Variants in IGFL2 observed in about 807,000 individuals in gnomAD.
IGFL2 encodes the protein IGF like family member 2.
Under a neutral mutation model 13.9 loss-of-function variants are expected in IGFL2, and 7 were observed. The ratio of observed to expected loss-of-function variants is 0.51; its 90% confidence interval spans 0.29 to 0.95. The LOEUF (loss-of-function observed/expected upper bound fraction) is 0.95, where lower values mean the gene tolerates loss of function less well. Ranked by LOEUF, IGFL2 falls within the 40% of genes least tolerant of loss-of-function variation. The pLI is 0.08. For missense variants in IGFL2, 138 were observed against 147.8 expected (o/e 0.93, Z 0.34); for synonymous variants, 55 against 55.8 (o/e 0.99, Z 0.07).
At chr19:46,148,715 A>C in intron 1 of IGFL2, 1 of 637,192 alleles carries the variant, frequency 1.6e-6, no homozygotes, top group Non-Finnish European at 2.6e-6. Context: ...ATAGGTGAGA[A>C]TGGGTGTGGT....
At chr19:46,200,987 A>G in the IGFL2 span, 1 of 152,232 alleles carries the variant, frequency 6.6e-6, no homozygotes, top group Non-Finnish European at 1.5e-5. Flanking sequence ...AAAAAATAAT[A>G]TCTATGACAT....
the IGFL2 span, among the ~76,000 whole-genome samples, chr19:46,195,387 A>T: frequency 1.3e-5 from 2 of 152,126 alleles, no homozygotes; most frequent in Non-Finnish European, 2.9e-5. Context: ...CTTAGATCAG[A>T]TAACAGAAAA....
At chr19:46,182,336 C>T in the IGFL2 span, among the ~76,000 whole-genome samples, 2 of 145,666 alleles carry the variant, frequency 1.4e-5, no homozygotes, top group African/African-American at 5.2e-5. Context: ...CACTGCACTC[C>T]AGCCTGGGCA....
At chr19:46,185,251 C>T in the IGFL2 span, among the ~76,000 whole-genome samples, 17 of 152,194 alleles carry the variant, frequency 1.1e-4, no homozygotes, top group Non-Finnish European at 2.4e-4. Flanking sequence ...CCCTCCCTCT[C>T]AGTTCCTCTC....
the IGFL2 span, among the ~76,000 whole-genome samples, chr19:46,106,797 A>G: frequency 5.3e-5 from 8 of 152,142 alleles, no homozygotes; most frequent in African/African-American, 1.7e-4. Context: ...GGGATGGGAT[A>G]TTGGCGTTGA....
the IGFL2 span, among the ~76,000 whole-genome samples, chr19:46,108,159 G>A: frequency 4.6e-5 from 7 of 152,050 alleles, no homozygotes; most frequent in South Asian, 6.2e-4. Context: ...GGAGGGGAGA[G>A]GTCAGATGAG....
At chr19:46,206,846 G>C in the IGFL2 span, 1 of 152,146 alleles carries the variant, frequency 6.6e-6, no homozygotes, top group Non-Finnish European at 1.5e-5. Context: ...TGAGAAATGG[G>C]GTCGGGGGTG....
chr19:46,157,281 T>A (rs1973876619), intron 1 of IGFL2, among the ~76,000 whole-genome samples: 1 of 152,074 alleles, frequency 6.6e-6, no homozygotes, highest in Non-Finnish European at 1.5e-5. Flanking sequence ...AAAATCAGAG[T>A]TATTTTGCTA....
the IGFL2 span, among the ~76,000 whole-genome samples, chr19:46,084,103 G>A: frequency 6.6e-6 from 1 of 152,140 alleles, no homozygotes; most frequent in Non-Finnish European, 1.5e-5. Flanking sequence ...TACTGTTTCT[G>A]AAGTTCCTCC....
chr19:46,140,332 T>C (rs1972806234), upstream of IGFL2, among the ~76,000 whole-genome samples: 1 of 152,084 alleles, frequency 6.6e-6, no homozygotes. Flanking sequence ...AAATTGATCA[T>C]ATGTTAGGTC....
chr19:46,080,397 T>TA, the IGFL2 span, among the ~76,000 whole-genome samples: 2,053 of 150,896 alleles, frequency 0.014, 32 homozygotes, highest in Middle Eastern at 0.027. Flanking sequence ...TTTTTTAAAA[T>TA]AAAAAAAAGA....
chr19:46,149,278 T>C, intron 1 of IGFL2, among the ~76,000 whole-genome samples: 3 of 126,884 alleles, frequency 2.4e-5, no homozygotes, highest in African/African-American at 6.1e-5. Flanking sequence ...CCCCTCACCC[T>C]TTCCACCTCT....
chr19:46,113,736 T>C, the IGFL2 span: 6 of 175,452 alleles, frequency 3.4e-5, no homozygotes, highest in Non-Finnish European at 3.7e-5. Context: ...GTGTAAAGCA[T>C]GTAAGTTAGA....
At chr19:46,173,845 T>C in the IGFL2 span, 1 of 152,244 alleles carries the variant, frequency 6.6e-6, no homozygotes, top group African/African-American at 2.4e-5. Context: ...CCACAGATGC[T>C]GTGCCAGATG....
the IGFL2 span, among the ~76,000 whole-genome samples, chr19:46,128,109 C>T: frequency 1.3e-5 from 2 of 151,958 alleles, no homozygotes; most frequent in African/African-American, 4.8e-5. Flanking sequence ...AATTGCAGTC[C>T]TGATTTGGCT....
At chr19:46,094,690 C>G in the IGFL2 span, among the ~76,000 whole-genome samples, 3 of 152,110 alleles carry the variant, frequency 2.0e-5, no homozygotes, top group Non-Finnish European at 4.4e-5. Flanking sequence ...CCCCTGCCCC[C>G]ACTGACAGGC....
chr19:46,146,700 G>T (rs1258691214), upstream of IGFL2, among the ~76,000 whole-genome samples: 1 of 152,104 alleles, frequency 6.6e-6, no homozygotes, highest in Non-Finnish European at 1.5e-5. Flanking sequence ...GGGGGGTATT[G>T]TAAATGGCAT....
At chr19:46,145,501 C>T (rs1022885244), upstream of IGFL2, among the ~76,000 whole-genome samples, 1 of 151,970 alleles carries the variant, frequency 6.6e-6, no homozygotes, top group African/African-American at 2.4e-5. Flanking sequence ...AGCCCTCCTT[C>T]CAGTAACTCT....
At chr19:46,186,379 A>C in the IGFL2 span, among the ~76,000 whole-genome samples, 5 of 152,140 alleles carry the variant, frequency 3.3e-5, no homozygotes, top group Non-Finnish European at 5.9e-5. Context: ...ATGGGATATT[A>C]CCCAGCTGCG....
Sources: gnomAD v4.1 joint callset for allele counts (sites outside exome capture counted in the v4.1 genomes callset) on GRCh38, gnomAD v4.1.1 for gene constraint, MANE v1.5 for transcripts, NCBI Gene and HGNC (gene_info 2026-07-23, HGNC 2026-07-21) for gene names.